The following UGT1A3 variants were observed in gnomAD, a reference collection of about 807,000 sequenced individuals.
UGT1A3 encodes UDP glucuronosyltransferase family 1 member A3, also known as UDP-glucuronosyltransferase 1A3.
In UGT1A3, 31 loss-of-function variants were observed where a neutral mutation model predicts 41.0. The observed-to-expected ratio is 0.76, with a 90% CI of 0.57 to 1.02. The LOEUF (loss-of-function observed/expected upper bound fraction) is 1.02, where lower values mean the gene tolerates loss of function less well. Among genes scored for constraint, UGT1A3 ranks in the 50% least tolerant of loss-of-function variants. The probability of loss-of-function intolerance (pLI) is 0.00; values close to 1 mark genes in which losing one functional copy is unlikely to be tolerated. For synonymous variants in UGT1A3, 262 were observed against 257.6 expected, an observed-to-expected ratio of 1.02 and a Z score of -0.17; for missense variants, 737 against 671.0, an observed-to-expected ratio of 1.10 and a Z score of -1.09.
At chr2:233,766,650 A>G (rs1364133681) in intron 1 of UGT1A3, among the ~76,000 whole-genome samples, 3 of 152,158 alleles carry the variant, frequency 2.0e-5, no homozygotes, top group African/African-American at 7.2e-5. Context: ...TATCATTTAA[A>G]GGGACCACGC....
chr2:233,760,683 C>G, intron 1 of UGT1A3: 1 of 1,614,204 alleles, frequency 6.2e-7, no homozygotes, highest in Non-Finnish European at 8.5e-7. Context: ...ACTTACTGCA[C>G]AACAAGGAGC....
chr2:233,772,537 C>T lies in UGT1A3; in HGVS notation c.1583C>T (p.Ala528Val). 1 of 1,614,090 alleles carries T rather than the reference C, an allele frequency of 6.2e-7. No individual in the cohort carries two copies. Among genetic ancestry groups the T allele is most frequent in the South Asian group, 1.1e-5 (1 of 91,078 alleles). ...GGGAAAAAAGGGCGAGTTAAGAAAG[C>T]CCACAAATCCAAGACCCATTGAGAA... ...CLGKKGRVKK[A>V]HKSKTH Residue 528 changes from alanine to valine, a missense_variant, in exon 5 of 5, where the codon GCC becomes GTC. Ala to Val is a moderately conservative substitution (Grantham distance 64, BLOSUM62 0). Transcript: ENST00000482026.
intron 1 of UGT1A3, chr2:233,760,598 C>A (rs1373476296): frequency 6.2e-7 from 1 of 1,614,208 alleles, no homozygotes; most frequent in East Asian, 2.2e-5. Context: ...GAGAATGATT[C>A]TTTCCTGCAG....
At chr2:233,760,292 C>T (rs1437444805) in intron 1 of UGT1A3, 2 of 1,613,246 alleles carry the variant, frequency 1.2e-6, no homozygotes, top group Admixed American at 1.7e-5. Flanking sequence ...GGCGCCATGG[C>T]TGTGGAGTCC....
intron 1 of UGT1A3, among the ~76,000 whole-genome samples, chr2:233,739,362 G>T (rs1691069001): frequency 1.3e-5 from 2 of 152,136 alleles, no homozygotes; most frequent in South Asian, 2.1e-4. Context: ...AGATCCAATA[G>T]CTTGCACTGT....
chr2:233,759,159 A>G (rs1697070842), intron 1 of UGT1A3, among the ~76,000 whole-genome samples: 1 of 152,222 alleles, frequency 6.6e-6, no homozygotes, highest in Admixed American at 6.5e-5. Context: ...CACAGAACAC[A>G]AGGCAGGCAG....
At chr2:233,771,270 C>A (rs1244273988) in intron 4 of UGT1A3, 1 of 150,946 alleles carries the variant, frequency 6.6e-6, no homozygotes, top group African/African-American at 2.4e-5. Context: ...CTTTTTTTTT[C>A]TTTCTTCTCC....
chr2:233,755,356 C>A (rs1290050168), intron 1 of UGT1A3: 4 of 377,426 alleles, frequency 1.1e-5, no homozygotes, highest in Admixed American at 3.8e-5. Flanking sequence ...GCTTGGCGAC[C>A]TGGGCCGCCT....
rs1472229025 is a variant in UGT1A3 at position 233,772,837 on chromosome 2, T to C, written c.*278T>C. ...CGTGCAGACAGGCTGGCATTCTAGA[T>C]TACTTTTCTTACTCTGAAACATGGC... is the stretch of plus-strand genomic sequence containing the variant. On this transcript the variant is annotated 3_prime_UTR_variant, in exon 5 of 5. Transcript: ENST00000482026. 1.2e-6 allele frequency: 1 copy of C among 832,170 alleles called. No homozygotes were observed. The highest frequency in any genetic ancestry group is 1.7e-6 in the Non-Finnish European group (1 of 590,342). The allele number at this position is 832,170 out of a possible 1,614,324, so 51.5% of individuals were successfully genotyped here.
Position 233,752,763 on chromosome 2 carries a change from A to C in UGT1A3, c.868-14271A>C, listed in dbSNP as rs182475075. Among the ~76,000 whole-genome samples, 215 of 152,376 alleles carry C rather than the reference A, an allele frequency of 1.4e-3. 1 individual carries two copies. Among genetic ancestry groups the C allele is most frequent in the African/African-American group, 4.9e-3 (204 of 41,592 alleles). On this transcript the variant is annotated intron_variant, in intron 1 of 4. Coordinates refer to ENST00000482026, the MANE Select transcript of UGT1A3 (RefSeq NM_019093.4). Reference sequence around the variant, plus strand: ...CTGTCTCTAAAACAAACAAACAAACAAACAAACAATAACCAAACAAGCTTT... The same window carrying C: ...CTGTCTCTAAAACAAACAAACAAACCAACAAACAATAACCAAACAAGCTTT...
chr2:233,750,910 G>T (rs1371262201), intron 1 of UGT1A3, among the ~76,000 whole-genome samples: 1 of 151,884 alleles, frequency 6.6e-6, no homozygotes, highest in African/African-American at 2.4e-5. Context: ...GCTAGAGAAG[G>T]GTGGTAAAGA....
chr2:233,753,704 T>C (rs1413802728), intron 1 of UGT1A3: 3 of 152,228 alleles, frequency 2.0e-5, no homozygotes, highest in Non-Finnish European at 4.4e-5. Flanking sequence ...TGCACTTGGC[T>C]TTCATCAACC....
chr2:233,755,510 G>C (rs1695945720), intron 1 of UGT1A3: 1 of 163,962 alleles, frequency 6.1e-6, no homozygotes, highest in Non-Finnish European at 1.3e-5. Flanking sequence ...ACCAGGCCCC[G>C]CCCACTCCGG....
Position 233,729,752 on chromosome 2 carries a change from A to G in UGT1A3, c.626A>G (p.Gln209Arg). 6.2e-7 allele frequency: 1 copy of G among 1,614,000 alleles called. No homozygotes were observed. The highest frequency in any genetic ancestry group is 1.3e-5 in the African/African-American group (1 of 75,042). Reference protein sequence around the residue: ...TTNSDHMTFMQRVKNMLYPLA... With the variant: ...TTNSDHMTFMRRVKNMLYPLA... ...AATTCAGACCACATGACATTCATGC[A>G]AAGGGTCAAGAACATGCTCTACCCT... Residue 209 changes from glutamine (Q) to arginine (R), a missense_variant, in exon 1 of 5, where the codon CAA becomes CGA. Transcript: ENST00000482026.
At chr2:233,750,527 A>G (rs552056379) in intron 1 of UGT1A3, 33 of 152,112 alleles carry the variant, frequency 2.2e-4, no homozygotes, top group Admixed American at 4.6e-4. Flanking sequence ...ACAATGGGGA[A>G]AATGGCTTCA....
intron 1 of UGT1A3, among the ~76,000 whole-genome samples, chr2:233,766,030 T>C (rs1699031602): frequency 6.6e-6 from 1 of 152,104 alleles, no homozygotes; most frequent in Non-Finnish European, 1.5e-5. Context: ...AGTTTTGCCC[T>C]CTATAGTCAG....
chr2:233,739,031 G>A (rs1340117619), intron 1 of UGT1A3: 1 of 152,236 alleles, frequency 6.6e-6, no homozygotes, highest in East Asian at 1.9e-4. Flanking sequence ...GGCTAAAAGG[G>A]GCCAAGGTAG....
Position 233,768,355 on chromosome 2 carries a change from A to AG in UGT1A3, c.1226dup (p.Ala410SerfsTer13), listed in dbSNP as rs758192306. 7.4e-6 allele frequency: 12 copies of AG among 1,614,082 alleles called. No individual in the cohort carries two copies. Among genetic ancestry groups the AG allele is most frequent in the Non-Finnish European group, 1.0e-5 (12 of 1,180,036 alleles). On this transcript the variant is annotated frameshift_variant, in exon 4 of 5. Transcript: ENST00000482026. LOFTEE classifies it high-confidence loss of function. The stretch of plus-strand genomic sequence containing the variant: ...GACAATGCAAAGCGCATGGAGACTA[A>AG]GGGAGCTGGAGTGACCCTGAATGTT...
chr2:233,767,725 G>T (rs930138004), intron 2 of UGT1A3, 124 bp from the exon 3 acceptor site: 2 of 1,552,620 alleles, frequency 1.3e-6, no homozygotes, highest in South Asian at 1.2e-5. Flanking sequence ...CACAGTTACT[G>T]ATCCTCCCAC....
Sources: gnomAD v4.1 joint callset for allele counts (sites outside exome capture counted in the v4.1 genomes callset) on GRCh38, gnomAD v4.1.1 for gene constraint, MANE v1.5 for transcripts, NCBI Gene and HGNC (gene_info 2026-07-23, HGNC 2026-07-21) for gene names.